Variants in DOCK2 observed in about 807,000 individuals in gnomAD.
The protein encoded by DOCK2 is dedicator of cytokinesis protein 2.
In DOCK2, 87 loss-of-function variants were observed where a neutral mutation model predicts 248.9. The observed-to-expected ratio is 0.35, with a 90% CI of 0.29 to 0.42. The LOEUF (loss-of-function observed/expected upper bound fraction) is 0.42. DOCK2 is among the 10% of genes least tolerant of loss of function. DOCK2 has a pLI of 1.00. For synonymous variants in DOCK2, 805 were observed against 821.6 expected (o/e 0.98, Z 0.35); for missense variants, 1,747 against 2,300.2 (o/e 0.76, Z 4.92).
intron 26 of DOCK2, among the ~76,000 whole-genome samples, chr5:169,824,711 G>A (rs893947222): frequency 2.0e-5 from 3 of 152,194 alleles, no homozygotes; most frequent in African/African-American, 7.2e-5. Flanking sequence ...ACATAGGCAT[G>A]GGCGAAGACT....
chr5:169,826,558 G>T (rs1768874124), intron 26 of DOCK2, among the ~76,000 whole-genome samples: 1 of 152,124 alleles, frequency 6.6e-6, no homozygotes, highest in South Asian at 2.1e-4. Context: ...TACCCATCAT[G>T]ATTGTGGGAA....
chr5:169,795,630 C>T (rs1329122840), intron 25 of DOCK2, among the ~76,000 whole-genome samples: 2 of 152,184 alleles, frequency 1.3e-5, no homozygotes, highest in African/African-American at 4.8e-5. Flanking sequence ...TCGTGATATG[C>T]TGGCTGGAGG....
At chr5:169,760,747 C>A (rs144637983) in intron 24 of DOCK2, among the ~76,000 whole-genome samples, 1,832 of 152,246 alleles carry the variant, frequency 0.012, 35 homozygotes, top group African/African-American at 0.041. Flanking sequence ...CATTTGATGA[C>A]CTCTATTAGA....
At chr5:169,875,105 G>A (rs1050743391) in intron 27 of DOCK2, 6 of 426,628 alleles carry the variant, frequency 1.4e-5, no homozygotes, top group Non-Finnish European at 2.8e-5. Flanking sequence ...TTACAAGCAA[G>A]TATTTTTTAT....
chr5:169,740,371 T>C (rs1763248667), intron 22 of DOCK2, among the ~76,000 whole-genome samples: 1 of 152,230 alleles, frequency 6.6e-6, no homozygotes, highest in Non-Finnish European at 1.5e-5. Flanking sequence ...TATGTGTTCA[T>C]TCTAGACATT....
chr5:169,985,874 A>G lies in DOCK2; in HGVS notation c.2945A>G (p.Lys982Arg). The G allele has an allele frequency of 1.2e-6, 2 of 1,610,930 alleles. No individual in the cohort carries two copies. Among genetic ancestry groups the G allele is most frequent in the Non-Finnish European group, 1.7e-6 (2 of 1,178,082 alleles). The change falls in exon 29 of 52, where the codon AAG becomes AGG. Residue 982 changes from lysine (K) to arginine (R), a missense_variant. Transcript: ENST00000520908. ...TFIMFKDLIG[K>R]NVYPGDWMAM... Reference sequence around the variant, plus strand: ...ATCATGTTCAAGGACCTCATTGGAAAGAACGTGTACCCTGGAGACTGGATG... The same window carrying G: ...ATCATGTTCAAGGACCTCATTGGAAGGAACGTGTACCCTGGAGACTGGATG...
chr5:169,972,550 T>C (rs899522641), intron 27 of DOCK2, among the ~76,000 whole-genome samples: 49 of 71,826 alleles, frequency 6.8e-4, no homozygotes, highest in African/African-American at 2.2e-3. Flanking sequence ...GACAGATAGA[T>C]AGATAGATAG....
At chr5:170,012,487 C>T (rs1755337724) in intron 32 of DOCK2, among the ~76,000 whole-genome samples, 1 of 152,118 alleles carries the variant, frequency 6.6e-6, no homozygotes, top group African/African-American at 2.4e-5. Flanking sequence ...CTTGAGCAAC[C>T]CTGTGTTTAT....
intron 27 of DOCK2, among the ~76,000 whole-genome samples, chr5:169,947,352 G>A (rs2113717349): frequency 6.6e-6 from 1 of 152,330 alleles, no homozygotes; most frequent in South Asian, 2.1e-4. Context: ...GAGGGACCTG[G>A]CATTTGTTGA....
chr5:169,762,063 AT>A (rs2113741668), intron 25 of DOCK2, among the ~76,000 whole-genome samples: 1 of 152,362 alleles, frequency 6.6e-6, no homozygotes, highest in East Asian at 1.9e-4. Flanking sequence ...AGGAATTAAC[AT>A]TTTTTAAAGT....
At chr5:169,895,413 G>A (rs566916772) in intron 27 of DOCK2, among the ~76,000 whole-genome samples, 4 of 152,216 alleles carry the variant, frequency 2.6e-5, no homozygotes, top group South Asian at 2.1e-4. Flanking sequence ...TGAGCTGGGT[G>A]GAGAACTTTC....
At chr5:169,793,167 T>C (rs1036742336) in intron 25 of DOCK2, among the ~76,000 whole-genome samples, 1 of 152,214 alleles carries the variant, frequency 6.6e-6, no homozygotes, top group African/African-American at 2.4e-5. Context: ...AACCCTAAAA[T>C]GAATCTATTG....
intron 27 of DOCK2, chr5:169,882,748 G>C: frequency 6.4e-7 from 1 of 1,551,884 alleles, no homozygotes; most frequent in Non-Finnish European, 8.7e-7. Flanking sequence ...CTCACTCCTT[G>C]AAAGAGAGGA....
At chr5:169,874,537 A>G (rs1254388870) in intron 27 of DOCK2, among the ~76,000 whole-genome samples, 3 of 151,936 alleles carry the variant, frequency 2.0e-5, no homozygotes, top group Non-Finnish European at 4.4e-5. Flanking sequence ...TTCCCAAGCA[A>G]GGGGTGACCA....
intron 27 of DOCK2, among the ~76,000 whole-genome samples, chr5:169,897,471 G>A (rs1311191755): frequency 6.6e-6 from 1 of 152,084 alleles, no homozygotes; most frequent in Non-Finnish European, 1.5e-5. Context: ...TTACAAGTGT[G>A]AGCCACCGTA....
At chr5:169,993,607 A>G (rs1778264082) in intron 29 of DOCK2, among the ~76,000 whole-genome samples, 1 of 150,980 alleles carries the variant, frequency 6.6e-6, no homozygotes, top group Non-Finnish European at 1.5e-5. Context: ...GCCAGGATAC[A>G]CTGTCTTCCG....
chr5:170,057,600 C>T lies in DOCK2; in HGVS notation c.4401C>T (p.Thr1467=). The T allele has an allele frequency of 6.2e-7, 1 of 1,614,170 alleles. No individual in the cohort carries two copies. The highest frequency in any genetic ancestry group is 8.5e-7 in the Non-Finnish European group (1 of 1,180,020). Residue 1467 remains threonine, a synonymous_variant, in exon 44 of 52, where the codon ACC becomes ACT. Coordinates refer to ENST00000520908, the MANE Select transcript of DOCK2 (RefSeq NM_004946.3). ...NEFASMWIER[T]SFVTAYKLPG... is the part of the protein sequence containing the mutation. The stretch of plus-strand genomic sequence containing the variant: ...GACAGTCCATGTGGATTGAGAGAAC[C>T]TCCTTCGTGACTGCATACAAGCTGC...
chr5:170,000,123 T>G (rs1468853728), intron 30 of DOCK2: 1 of 152,200 alleles, frequency 6.6e-6, no homozygotes, highest in African/African-American at 2.4e-5. Flanking sequence ...CAGCAGGTAT[T>G]TTTGTTTAAG....
At chr5:169,912,239 T>G (rs1219031322) in intron 27 of DOCK2, among the ~76,000 whole-genome samples, 2 of 152,214 alleles carry the variant, frequency 1.3e-5, no homozygotes, top group Non-Finnish European at 2.9e-5. Flanking sequence ...TATTTATTTA[T>G]TTAGAAAATG....
Sources: gnomAD v4.1 joint callset for allele counts (sites outside exome capture counted in the v4.1 genomes callset) on GRCh38, gnomAD v4.1.1 for gene constraint, MANE v1.5 for transcripts, NCBI Gene and HGNC (gene_info 2026-07-23, HGNC 2026-07-21) for gene names.